DENND10: variants seen among roughly 807,000 people sequenced by gnomAD.
DENND10 encodes DENN domain-containing protein 10.
DENND10 carries 24 observed loss-of-function variants against 43.6 expected under a neutral mutation model. The ratio of observed to expected loss-of-function variants is 0.55; its 90% confidence interval spans 0.40 to 0.77. The LOEUF (loss-of-function observed/expected upper bound fraction) is 0.77. Ranked by LOEUF, DENND10 falls within the 30% of genes least tolerant of loss-of-function variation. The pLI is 0.00. For synonymous variants in DENND10, 125 were observed against 157.6 expected (o/e 0.79, Z 1.55); for missense variants, 303 against 429.9 (o/e 0.70, Z 2.61).
intron 1 of DENND10, 169 bp from the exon 2 acceptor site, chr10:119,107,799 A>G (rs947893957): frequency 1.8e-5 from 12 of 651,956 alleles, no homozygotes; most frequent in Non-Finnish European, 3.0e-5. Flanking sequence ...CATGACAGCT[A>G]GATAATTTGA....
In DENND10 at chr10:119,133,042, C is replaced by T. The variant is rs190777088; in HGVS notation, c.897+433C>T. ...ACAACAGAAATCATGCAGTCAGACT[C>T]CTGTCCCACTTAGTGACTGTTGCCA... On this transcript the variant is annotated intron_variant, in intron 8 of 8. Coordinates refer to ENST00000361432, the MANE Select transcript of DENND10 (RefSeq NM_207009.4). The T allele has an allele frequency of 4.8e-3, 824 of 172,698 alleles. 8 individuals carry two copies. The highest frequency in any genetic ancestry group is 5.3e-3 in the Non-Finnish European group (423 of 79,160). The allele number at this position is 172,698 out of a possible 1,614,324, so 10.7% of individuals were successfully genotyped here. A position where few individuals can be genotyped will look rare whatever the true frequency, so the allele number is the denominator to read the frequency against.
intron 8 of DENND10, among the ~76,000 whole-genome samples, chr10:119,135,596 G>A (rs549571389): frequency 1.3e-5 from 2 of 151,832 alleles, no homozygotes; most frequent in Non-Finnish European, 2.9e-5. Context: ...GCTATCTAGA[G>A]CAGACAAATT....
intron 3 of DENND10, among the ~76,000 whole-genome samples, chr10:119,115,764 C>CTTTT (rs112553660): frequency 8.4e-6 from 1 of 119,726 alleles, no homozygotes; most frequent in Non-Finnish European, 1.8e-5. Context: ...TTCAAGTGAT[C>CTTTT]TTTTTTTTTT....
Position 119,111,904 on chromosome 10 carries a change from C to G in DENND10, c.308C>G (p.Ala103Gly). 1 of 1,611,836 alleles carries G rather than the reference C, an allele frequency of 6.2e-7. No individual in the cohort carries two copies. Among genetic ancestry groups the G allele is most frequent in the Non-Finnish European group, 8.5e-7 (1 of 1,178,052 alleles). Reference sequence around the variant, plus strand: ...AAAGATTTTAACCCAGAGAAGTATGCTGCCTTCACTAGGATATTGTGTAGG... The same window carrying G: ...AAAGATTTTAACCCAGAGAAGTATGGTGCCTTCACTAGGATATTGTGTAGG... The part of the protein sequence containing the change: ...TAKDFNPEKY[A>G]AFTRILCRMY... Residue 103 changes from alanine to glycine, a missense_variant, in exon 3 of 9, where the codon GCT becomes GGT. Coordinates refer to ENST00000361432, the MANE Select transcript of DENND10 (RefSeq NM_207009.4).
chr10:119,133,023 G>A (rs1846153345), intron 8 of DENND10: 2 of 188,918 alleles, frequency 1.1e-5, no homozygotes, highest in Non-Finnish European at 1.1e-5. Context: ...CAGGACAACA[G>A]AAATCATGCA....
At chr10:119,115,549 G>T (rs910646775) in intron 3 of DENND10, among the ~76,000 whole-genome samples, 1 of 93,506 alleles carries the variant, frequency 1.1e-5, no homozygotes, top group Non-Finnish European at 2.4e-5. Flanking sequence ...CACTACGCCC[G>T]GCTAATTTTT....
At chr10:119,113,200 T>C (rs1166851461) in intron 3 of DENND10, among the ~76,000 whole-genome samples, 3 of 30,812 alleles carry the variant, frequency 9.7e-5, no homozygotes, top group Non-Finnish European at 2.6e-4. Context: ...GTTGTTGTCT[T>C]TTTTTTAGCG....
Position 119,108,704 on chromosome 10 carries a change from G to C in DENND10, c.252+540G>C, listed in dbSNP as rs570687980. On this transcript the variant is annotated intron_variant, in intron 2 of 8. Transcript: ENST00000361432. The stretch of plus-strand genomic sequence containing the variant: ...TGGAGTTTTTCTGTTGGTCAGGCTG[G>C]AGTGCAATGGCGCAATCTCGGCTCA... Among the ~76,000 whole-genome samples the C allele has an allele frequency of 1.3e-5, 2 of 151,062 alleles. 1 individual carries two copies. Among genetic ancestry groups the C allele is most frequent in the South Asian group, 4.2e-4 (2 of 4,758 alleles).
At chr10:119,110,239 T>G (rs1844914407) in intron 2 of DENND10, among the ~76,000 whole-genome samples, 1 of 151,790 alleles carries the variant, frequency 6.6e-6, no homozygotes, top group Non-Finnish European at 1.5e-5. Context: ...TGGTGTGATC[T>G]CGGCTCACTG....
At chr10:119,113,011 A>C (rs1022969534) in intron 3 of DENND10, among the ~76,000 whole-genome samples, 6 of 151,200 alleles carry the variant, frequency 4.0e-5, no homozygotes, top group African/African-American at 1.5e-4. Context: ...CACCACGCCC[A>C]GCTAATTTTT....
intron 4 of DENND10, among the ~76,000 whole-genome samples, chr10:119,118,251 G>A (rs1845392817): frequency 6.6e-6 from 1 of 152,062 alleles, no homozygotes; most frequent in Non-Finnish European, 1.5e-5. Flanking sequence ...TTTTTGTGGT[G>A]TTTGTTTCCA....
Position 119,123,602 on chromosome 10 carries a change from T to C in DENND10, c.694+33T>C, listed in dbSNP as rs200746162. On this transcript the variant is annotated intron_variant, in intron 6 of 8. Coordinates refer to ENST00000361432, the MANE Select transcript of DENND10 (RefSeq NM_207009.4). The stretch of plus-strand genomic sequence containing the variant: ...AGAGGATCCCAGGGGAGGAACTGTT[T>C]CACTTTTTTTTTTTTTTTTTTCCTG... The C allele has an allele frequency of 1.3e-5, 18 of 1,403,768 alleles. No individual in the cohort carries two copies. In the East Asian group the frequency reaches 4.1e-4, roughly 32 times the overall value. 87.0% of individuals were successfully genotyped at this position (1,403,768 alleles called of 1,614,324 possible). A position where few individuals can be genotyped will look rare whatever the true frequency, so the allele number is the denominator to read the frequency against.
intron 8 of DENND10, 86 bp from the exon 9 acceptor site, chr10:119,136,385 C>T: frequency 6.8e-7 from 1 of 1,471,820 alleles, no homozygotes; most frequent in Non-Finnish European, 9.2e-7. Flanking sequence ...TATAAACAGT[C>T]TGGAAAAAAT....
chr10:119,122,819 AT>A (rs1461042153), intron 5 of DENND10, among the ~76,000 whole-genome samples: 1 of 151,812 alleles, frequency 6.6e-6, no homozygotes, highest in Non-Finnish European at 1.5e-5. Context: ...GTGACTTTGA[AT>A]TTTACCCTTA....
At chr10:119,105,879 C>T (rs1056396429) in intron 1 of DENND10, among the ~76,000 whole-genome samples, 1 of 151,972 alleles carries the variant, frequency 6.6e-6, no homozygotes, top group Admixed American at 6.6e-5. Flanking sequence ...GAGACCCCCC[C>T]CAACCCCGTC....
chr10:119,109,280 T>C (rs986425826), intron 2 of DENND10, among the ~76,000 whole-genome samples: 1 of 152,092 alleles, frequency 6.6e-6, no homozygotes, highest in African/African-American at 2.4e-5. Context: ...AGTAGACTTT[T>C]CTTGGTGTGT....
rs1159923956 is a variant in DENND10, at chr10:119,137,609, T to G, written c.*962T>G. On this transcript the variant is annotated 3_prime_UTR_variant, in exon 9 of 9. Coordinates refer to ENST00000361432, the MANE Select transcript of DENND10 (RefSeq NM_207009.4). ...CAAATAAGCATGGAGATCTAAATGA[T>G]GTACTTGTTAGTGTATTCATTCATA... is the stretch of plus-strand genomic sequence containing the variant. 6.1e-6 allele frequency: 1 copy of G among 164,964 alleles called. No individual in the cohort carries two copies. Among genetic ancestry groups the G allele is most frequent in the East Asian group, 2.0e-4 (1 of 5,096 alleles). The allele number at this position is 164,964 out of a possible 1,614,324, so 10.2% of individuals were successfully genotyped here.
intron 2 of DENND10, among the ~76,000 whole-genome samples, chr10:119,110,636 T>C (rs1422093348): frequency 3.9e-5 from 6 of 152,090 alleles, no homozygotes; most frequent in Non-Finnish European, 8.8e-5. Context: ...TTTGTAGTTT[T>C]AGTTGAGACA....
intron 5 of DENND10, among the ~76,000 whole-genome samples, 180 bp downstream of exon 5, chr10:119,120,632 T>A (rs1845526842): frequency 6.6e-6 from 1 of 152,256 alleles, no homozygotes; most frequent in African/African-American, 2.4e-5. Context: ...TTGGACTATT[T>A]ATGACTATTT....
Sources: allele counts gnomAD v4.1 joint callset (sites outside exome capture counted in the v4.1 genomes callset), GRCh38; gene constraint gnomAD v4.1.1; transcripts MANE v1.5; gene names NCBI Gene and HGNC (gene_info 2026-07-23, HGNC 2026-07-21).